The following AKAP1 variants were observed in gnomAD, a reference collection of about 807,000 sequenced individuals.
AKAP1 encodes A-kinase anchoring protein 1.
AKAP1 carries 32 observed loss-of-function variants against 79.8 expected under a neutral mutation model. The ratio of observed to expected loss-of-function variants is 0.40; its 90% confidence interval spans 0.30 to 0.54. AKAP1 has a LOEUF of 0.54. Among genes scored for constraint, AKAP1 ranks in the 20% least tolerant of loss-of-function variants. The pLI is 0.47. For missense variants in AKAP1, 961 were observed against 1,138.9 expected (o/e 0.84, Z 2.25); for synonymous variants, 416 against 466.7 (o/e 0.89, Z 1.40).
chr17:57,120,144 C>T (rs1346828687), intron 10 of AKAP1, 106 bp from the exon 11 acceptor site: 3 of 944,080 alleles, frequency 3.2e-6, no homozygotes, highest in Admixed American at 4.3e-5. Context: ...TACTCTCATA[C>T]ATCTGTTGCC....
At chr17:57,115,059 C>G (rs1368844086) in intron 6 of AKAP1, among the ~76,000 whole-genome samples, 1 of 152,192 alleles carries the variant, frequency 6.6e-6, no homozygotes, top group East Asian at 1.9e-4. Flanking sequence ...AAAAAAATCC[C>G]CAAGTCCAAC....
intron 2 of AKAP1, 127 bp downstream of exon 2, chr17:57,107,305 G>A (rs772243511): frequency 1.1e-4 from 147 of 1,339,026 alleles, no homozygotes; most frequent in African/African-American, 6.0e-4. Flanking sequence ...GCTCTTTATC[G>A]CAACCTGCAG....
intron 3 of AKAP1, 146 bp downstream of exon 3, chr17:57,110,304 G>A: frequency 1.8e-6 from 2 of 1,119,544 alleles, no homozygotes; most frequent in South Asian, 1.6e-5. Flanking sequence ...GCAGGGAAAG[G>A]ACACGCTACA....
At position 57,114,601 on chromosome 17, in the gene AKAP1, A is replaced by G; in HGVS notation, c.2246A>G (p.Gln749Arg). ...CAGCAGATGTACCTCTGTTACTCTC[A>G]GCCTGGAATCCCCACCTTGCCCACC... ...LDQQMYLCYS[Q>R]PGIPTLPTPV... is the part of the protein sequence containing the mutation. The change falls in exon 6 of 11, where the codon CAG (glutamine) becomes CGG (arginine). Residue 749 changes from glutamine (Q) to arginine (R), a missense_variant. This residue lies in a region of AKAP1 where 629 missense variants were observed against 781.1 expected (regional missense o/e 0.81). Coordinates refer to ENST00000337714, the MANE Select transcript of AKAP1 (RefSeq NM_003488.4). 6.2e-7 allele frequency: 1 copy of G among 1,614,156 alleles called. No individual in the cohort carries two copies. Among genetic ancestry groups the G allele is most frequent in the South Asian group, 1.1e-5 (1 of 91,076 alleles).
chr17:57,102,822 G>A (rs144580655), intron 1 of AKAP1, among the ~76,000 whole-genome samples: 1,743 of 152,222 alleles, frequency 0.011, 36 homozygotes, highest in African/African-American at 0.039. Flanking sequence ...GCTGGGCACC[G>A]TGGCCTGTCA....
intron 1 of AKAP1, among the ~76,000 whole-genome samples, chr17:57,087,755 A>G (rs1913548725): frequency 6.6e-6 from 1 of 152,110 alleles, no homozygotes; most frequent in African/African-American, 2.4e-5. Flanking sequence ...TGGGAGGAAA[A>G]ACGAATTGGT....
At chr17:57,115,053 A>C (rs1038102966) in intron 6 of AKAP1, among the ~76,000 whole-genome samples, 9 of 152,188 alleles carry the variant, frequency 5.9e-5, no homozygotes, top group Non-Finnish European at 1.3e-4. Flanking sequence ...TACCACAAAA[A>C]AATCCCCAAG....
At chr17:57,118,311 C>A in intron 8 of AKAP1, 70 bp from the exon 9 acceptor site, 1 of 1,442,536 alleles carries the variant, frequency 6.9e-7, no homozygotes. Flanking sequence ...GCACCTGAAA[C>A]TTGTGTACAT....
intron 1 of AKAP1, chr17:57,095,808 G>C (rs2270276): frequency 0.32 from 48,976 of 151,816 alleles, 9,333 homozygotes; most frequent in Admixed American, 0.41. Flanking sequence ...TACTTTTTGG[G>C]CAGTTTTGTG....
intron 10 of AKAP1, 138 bp from the exon 11 acceptor site, chr17:57,120,112 C>T (rs1915839383): frequency 1.5e-6 from 1 of 685,540 alleles, no homozygotes; most frequent in South Asian, 2.0e-5. Context: ...AGGCATGAGC[C>T]ACTGCGTCTG....
At chr17:57,096,733 TTGG>T (rs1199639409) in intron 1 of AKAP1, 2 of 152,264 alleles carry the variant, frequency 1.3e-5, no homozygotes, top group Admixed American at 6.5e-5. Context: ...GCCCCCACCC[TTGG>T]TGGCAGAACC....
intron 10 of AKAP1, among the ~76,000 whole-genome samples, chr17:57,120,015 G>A (rs1033681384): frequency 1.5e-4 from 23 of 151,492 alleles, no homozygotes; most frequent in Non-Finnish European, 2.8e-4. Flanking sequence ...TAATAGAGAC[G>A]GGGTTTCACC....
chr17:57,119,846 T>TTTTTTTTTTTTTTTC (rs1915817796), intron 10 of AKAP1, among the ~76,000 whole-genome samples: 1 of 134,060 alleles, frequency 7.5e-6, no homozygotes, highest in Non-Finnish European at 1.6e-5. Context: ...TTTTTTTTTT[T>TTTTTTTTTTTTTTTC]TTTTGAGACA....
intron 1 of AKAP1, among the ~76,000 whole-genome samples, chr17:57,087,885 G>A (rs1411968839): frequency 1.3e-5 from 2 of 152,176 alleles, no homozygotes; most frequent in Non-Finnish European, 2.9e-5. Context: ...AGAGCTGGCC[G>A]TAGAGTTCCC....
In AKAP1 at chr17:57,120,826, CA is replaced by C. The variant is rs2144805589; in HGVS notation, c.*503del. The C allele has an allele frequency of 6.5e-6, 1 of 152,990 alleles. No individual in the cohort carries two copies. The highest frequency in any genetic ancestry group is 6.5e-5 in the Admixed American group (1 of 15,322). 9.5% of individuals were successfully genotyped at this position (152,990 alleles called of 1,614,324 possible). A position where few individuals can be genotyped will look rare whatever the true frequency, so the allele number is the denominator to read the frequency against. ...CATAAATGAGTTGATGATATTTAAC[CA>C]GTTTTTATAAACTTCATTTAGGTCT... On this transcript the variant is annotated 3_prime_UTR_variant, in exon 11 of 11. Transcript: ENST00000337714.
chr17:57,103,973 G>C (rs1308126425), intron 1 of AKAP1, among the ~76,000 whole-genome samples: 1 of 151,968 alleles, frequency 6.6e-6, no homozygotes, highest in Non-Finnish European at 1.5e-5. Context: ...AGGTTTCTAG[G>C]TTCCTTCTGC....
In AKAP1 at chr17:57,106,268, A is replaced by G. The variant is rs1470264006; in HGVS notation, c.804A>G (p.Pro268=). The change falls in exon 2 of 11, where the codon CCA becomes CCG. Residue 268 remains proline (P), a synonymous_variant. Coordinates refer to ENST00000337714, the MANE Select transcript of AKAP1 (RefSeq NM_003488.4). The part of the protein sequence containing the change: ...QEEEYVAEKL[P]SRFIESAHTE... ...AAGAGTATGTAGCAGAGAAGTTGCCAAGTAGGTTCATCGAGTCGGCTCACA... is the reference window on the plus strand; with the variant it reads ...AAGAGTATGTAGCAGAGAAGTTGCCGAGTAGGTTCATCGAGTCGGCTCACA... The G allele has an allele frequency of 6.2e-6, 10 of 1,614,078 alleles. No homozygotes were observed. Among genetic ancestry groups the G allele is most frequent in the Non-Finnish European group, 8.5e-6 (10 of 1,180,046 alleles).
intron 3 of AKAP1, among the ~76,000 whole-genome samples, chr17:57,110,632 A>C (rs940022036): frequency 6.6e-6 from 1 of 152,192 alleles, no homozygotes; most frequent in African/African-American, 2.4e-5. Context: ...CCTACCCTTG[A>C]GAGTGACTGT....
intron 2 of AKAP1, 151 bp from the exon 3 acceptor site, chr17:57,109,874 T>G (rs1281579254): frequency 2.9e-6 from 3 of 1,025,902 alleles, no homozygotes; most frequent in Non-Finnish European, 4.3e-6. Context: ...GTTCTGAGCC[T>G]TCTAGACTGT....
Sources: gnomAD v4.1 joint callset for allele counts (sites outside exome capture counted in the v4.1 genomes callset) on GRCh38, gnomAD v4.1.1 for gene constraint, gnomAD v4.1.1 regional missense constraint, MANE v1.5 for transcripts, NCBI Gene and HGNC (gene_info 2026-07-23, HGNC 2026-07-21) for gene names.